The following GPR158 variants were observed in gnomAD, a reference collection of about 807,000 sequenced individuals.
GPR158 encodes the protein G protein-coupled receptor 158.
In GPR158, 30 loss-of-function variants were observed where a neutral mutation model predicts 78.2. The observed-to-expected ratio is 0.38, with a 90% CI of 0.29 to 0.52. The LOEUF (loss-of-function observed/expected upper bound fraction) is 0.52. Among genes scored for constraint, GPR158 ranks in the 20% least tolerant of loss-of-function variants. GPR158 has a pLI of 0.83. For missense variants in GPR158, 1,463 were observed against 1,523.5 expected (o/e 0.96, Z 0.66); for synonymous variants, 581 against 591.1 (o/e 0.98, Z 0.25).
chr10:25,426,747 A>T (rs540974673), intron 4 of GPR158, among the ~76,000 whole-genome samples: 1 of 152,258 alleles, frequency 6.6e-6, no homozygotes, highest in South Asian at 2.1e-4. Context: ...AAATGTTGTG[A>T]GAATTACCAA....
chr10:25,546,313 C>T (rs1836661454), intron 5 of GPR158, among the ~76,000 whole-genome samples: 1 of 152,124 alleles, frequency 6.6e-6, no homozygotes, highest in South Asian at 2.1e-4. Context: ...TGTTCACCCC[C>T]ATTAGCTGTG....
chr10:25,325,902 A>ATTTTTTT (rs34026835), intron 2 of GPR158, among the ~76,000 whole-genome samples: 1 of 144,112 alleles, frequency 6.9e-6, no homozygotes, highest in African/African-American at 2.5e-5. Context: ...GGCCATTTGT[A>ATTTTTTT]TTTTTTTTTT....
intron 1 of GPR158, among the ~76,000 whole-genome samples, chr10:25,197,141 CA>C (rs1852854731): frequency 6.6e-6 from 1 of 152,190 alleles, no homozygotes; most frequent in Non-Finnish European, 1.5e-5. Flanking sequence ...ATGATCTGTT[CA>C]CTATTTTAAA....
At chr10:25,428,379 C>T (rs1321301765) in intron 4 of GPR158, among the ~76,000 whole-genome samples, 1 of 151,836 alleles carries the variant, frequency 6.6e-6, no homozygotes, top group Non-Finnish European at 1.5e-5. Context: ...TCTAGTAGAT[C>T]CAAACTCTTC....
Position 25,571,234 on chromosome 10 carries a change from G to A in GPR158, c.1515-1415G>A, listed in dbSNP as rs12781894. Among the ~76,000 whole-genome samples the A allele has an allele frequency of 5.4e-3, 822 of 152,226 alleles. 4 individuals are homozygous for A. Among genetic ancestry groups the A allele is most frequent in the Middle Eastern group, 0.01 (3 of 294 alleles). On this transcript the variant is annotated intron_variant, in intron 6 of 10. Coordinates refer to ENST00000376351, the MANE Select transcript of GPR158 (RefSeq NM_020752.3). ...GGTTAAGAGATCTTCTGTTTTACTT[G>A]TATCTGTTACTATATTTCTGACGTT...
In GPR158 at chr10:25,505,363, A is replaced by T. The variant is rs559788540; in HGVS notation, c.1404+38644A>T. Among the ~76,000 whole-genome samples the T allele has an allele frequency of 4.6e-5, 7 of 152,346 alleles. No individual in the cohort carries two copies. In the South Asian group the frequency reaches 8.3e-4, roughly 18 times the overall value. On this transcript the variant is annotated intron_variant, in intron 5 of 10. Transcript: ENST00000376351. The stretch of plus-strand genomic sequence containing the variant: ...AGGCAGACAAATTCAGAACAACCTC[A>T]TTCTGGTAAACAAATCCTTTTTACT...
At chr10:25,330,648 C>T (rs193082229) in intron 2 of GPR158, among the ~76,000 whole-genome samples, 2 of 152,290 alleles carry the variant, frequency 1.3e-5, no homozygotes, top group African/African-American at 4.8e-5. Context: ...CTTTCTTCTA[C>T]CCTTCATCAA....
At chr10:25,596,611 A>C in intron 9 of GPR158, 32 bp from the exon 10 acceptor site, 1 of 1,575,678 alleles carries the variant, frequency 6.3e-7, no homozygotes, top group Non-Finnish European at 8.7e-7. Context: ...ACAGTGAGCT[A>C]ATGTCTACTG....
rs760880778 is a variant in GPR158 at position 25,598,597 on chromosome 10, A to G, written c.2971A>G (p.Asn991Asp). 5.3e-5 allele frequency: 85 copies of G among 1,614,050 alleles called. 1 individual carries two copies. In the East Asian group the frequency reaches 6.2e-4, roughly 12 times the overall value. The change falls in exon 11 of 11, where the codon AAC becomes GAC. Residue 991 changes from asparagine (N) to aspartate (D), a missense_variant. Physicochemically the swap from Asn to Asp is conservative, Grantham distance 23. Transcript: ENST00000376351. ...VNPTTANSDLNPGTTQMKDNF... is the reference protein window; with the variant it reads ...VNPTTANSDLDPGTTQMKDNF... ...CCCCACCACTGCCAATTCTGACCTGAACCCAGGCACCACCCAGATGAAGGA... is the reference window on the plus strand; with the variant it reads ...CCCCACCACTGCCAATTCTGACCTGGACCCAGGCACCACCCAGATGAAGGA...
chr10:25,415,939 ACTCTGACAATATG>A (rs1834652779), intron 4 of GPR158, among the ~76,000 whole-genome samples: 1 of 152,094 alleles, frequency 6.6e-6, no homozygotes. Context: ...TAGTTGCACT[ACTCTGACAATATG>A]CTAAAAACTA....
At chr10:25,534,080 C>T (rs566729240) in intron 5 of GPR158, among the ~76,000 whole-genome samples, 1 of 152,206 alleles carries the variant, frequency 6.6e-6, no homozygotes, top group East Asian at 1.9e-4. Context: ...CTCTGAGTTG[C>T]TTCCTTCTCT....
intron 5 of GPR158, among the ~76,000 whole-genome samples, chr10:25,470,277 T>C (rs962625010): frequency 6.6e-6 from 1 of 152,144 alleles, no homozygotes; most frequent in African/African-American, 2.4e-5. Context: ...TAATCTCCAA[T>C]GCAATGTTGT....
At chr10:25,361,745 A>T (rs1855644571) in intron 2 of GPR158, among the ~76,000 whole-genome samples, 1 of 152,034 alleles carries the variant, frequency 6.6e-6, no homozygotes, top group Non-Finnish European at 1.5e-5. Flanking sequence ...TCATCTTTGG[A>T]GAAATGGCTA....
intron 4 of GPR158, among the ~76,000 whole-genome samples, chr10:25,457,657 A>C (rs555520673): frequency 1.9e-4 from 29 of 152,296 alleles, no homozygotes; most frequent in African/African-American, 6.5e-4. Flanking sequence ...TCTTAGCCAG[A>C]AAAGGGGTCT....
At chr10:25,178,379 C>T (rs1268561248) in intron 1 of GPR158, among the ~76,000 whole-genome samples, 3 of 152,070 alleles carry the variant, frequency 2.0e-5, no homozygotes, top group Non-Finnish European at 4.4e-5. Context: ...TTTCAAGGGC[C>T]GCTGTGGAAC....
chr10:25,267,194 A>G (rs1470494294), intron 2 of GPR158, among the ~76,000 whole-genome samples: 1 of 152,190 alleles, frequency 6.6e-6, no homozygotes, highest in Non-Finnish European at 1.5e-5. Context: ...GCTAATAAAG[A>G]CATACCCAAG....
chr10:25,503,225 T>G (rs1268853418), intron 5 of GPR158, among the ~76,000 whole-genome samples: 1 of 149,842 alleles, frequency 6.7e-6, no homozygotes, highest in East Asian at 2.0e-4. Flanking sequence ...AAAAAAATTA[T>G]AATCAACCGG....
At chr10:25,573,087 G>T (rs114970767) in intron 7 of GPR158, among the ~76,000 whole-genome samples, 200 bp downstream of exon 7, 2,331 of 152,286 alleles carry the variant, frequency 0.015, 44 homozygotes, top group African/African-American at 0.053. Flanking sequence ...GTTTTTCAAA[G>T]GTATATAGCT....
At chr10:25,242,632 T>C (rs1853641666) in intron 2 of GPR158, among the ~76,000 whole-genome samples, 1 of 152,238 alleles carries the variant, frequency 6.6e-6, no homozygotes, top group Non-Finnish European at 1.5e-5. Context: ...TTTCCTTTAC[T>C]TGATTTGAAA....
Sources: allele counts gnomAD v4.1 joint callset (sites outside exome capture counted in the v4.1 genomes callset), GRCh38; gene constraint gnomAD v4.1.1; transcripts MANE v1.5; gene names NCBI Gene and HGNC (gene_info 2026-07-23, HGNC 2026-07-21).